Variants in ZNF536 observed in about 807,000 individuals in gnomAD.
The protein encoded by ZNF536 is zinc finger protein 536.
Under a neutral mutation model 84.5 loss-of-function variants are expected in ZNF536, and 13 were observed. The observed-to-expected ratio is 0.15, with a 90% CI of 0.10 to 0.24. The LOEUF (loss-of-function observed/expected upper bound fraction) is 0.24, where lower values mean the gene tolerates loss of function less well. ZNF536 is among the 10% of genes least tolerant of loss of function. The pLI, the probability that ZNF536 is intolerant of heterozygous loss-of-function variation, is 1.00. For synonymous variants in ZNF536, 811 were observed against 742.5 expected (o/e 1.09, Z -1.50); for missense variants, 1,536 against 1,747.5 (o/e 0.88, Z 2.16).
chr19:30,689,442 A>G (rs932329407), intron 1 of ZNF536, among the ~76,000 whole-genome samples: 12 of 152,232 alleles, frequency 7.9e-5, no homozygotes, highest in Admixed American at 1.3e-4. Context: ...CTTTCAGGAA[A>G]TGCTCATTGC....
intron 1 of ZNF536, among the ~76,000 whole-genome samples, chr19:30,437,754 A>C (rs1432150530): frequency 1.3e-5 from 2 of 152,220 alleles, no homozygotes; most frequent in Admixed American, 6.5e-5. Flanking sequence ...CTGCAAACTC[A>C]AGAGTTTACA....
At chr19:30,644,040 A>T (rs1329165722) in intron 1 of ZNF536, among the ~76,000 whole-genome samples, 5 of 152,182 alleles carry the variant, frequency 3.3e-5, no homozygotes, top group Non-Finnish European at 7.4e-5. Context: ...CCAAGGTGAA[A>T]GCTTCAGAGA....
intron 1 of ZNF536, among the ~76,000 whole-genome samples, chr19:30,670,710 C>T (rs2050515635): frequency 6.6e-6 from 1 of 152,218 alleles, no homozygotes; most frequent in Admixed American, 6.5e-5. Context: ...TCCCCAGAGA[C>T]GCCTTTCCGG....
intron 2 of ZNF536, among the ~76,000 whole-genome samples, chr19:30,310,678 A>C (rs1403536213): frequency 6.6e-6 from 1 of 152,200 alleles, no homozygotes; most frequent in African/African-American, 2.4e-5. Context: ...GCTCTGGTAG[A>C]ATCTCCATCA....
intron 1 of ZNF536, among the ~76,000 whole-genome samples, chr19:30,435,431 T>C (rs1471600043): frequency 6.6e-6 from 1 of 151,802 alleles, no homozygotes; most frequent in Non-Finnish European, 1.5e-5. Context: ...GTGATGCTGG[T>C]GATGATGTTG....
intron 1 of ZNF536, among the ~76,000 whole-genome samples, chr19:30,232,326 G>A (rs763080857): frequency 6.6e-6 from 1 of 152,180 alleles, no homozygotes; most frequent in African/African-American, 2.4e-5. Flanking sequence ...CATGTGCAGG[G>A]TTGCTATATG....
chr19:30,625,750 C>T (rs2048651727), intron 1 of ZNF536, among the ~76,000 whole-genome samples: 1 of 152,196 alleles, frequency 6.6e-6, no homozygotes, highest in African/African-American at 2.4e-5. Context: ...CACCTGCTTC[C>T]ATGTTCTGGC....
At chr19:30,325,341 G>A (rs1322521817) in intron 2 of ZNF536, among the ~76,000 whole-genome samples, 4 of 152,210 alleles carry the variant, frequency 2.6e-5, no homozygotes, top group Non-Finnish European at 5.9e-5. Context: ...GTCGGATCTG[G>A]GAGGCAAGGC....
chr19:30,666,393 G>T lies in ZNF536; in HGVS notation c.170-44364G>T, dbSNP rs373225077. Among the ~76,000 whole-genome samples, 79 of 152,010 alleles carry T rather than the reference G, an allele frequency of 5.2e-4. 2 individuals carry two copies. In the South Asian group the frequency reaches 0.015, roughly 29 times the overall value. On this transcript the variant is annotated intron_variant, in intron 1 of 1. Coordinates refer to the ZNF536 transcript ENST00000592773. The stretch of plus-strand genomic sequence containing the variant: ...TCTTCTTTTCTCCCTCCCTTTCCCT[G>T]CCTCCTCCCTCCCTTCCACTCCCTC...
At chr19:30,488,872 A>G (rs1361989382) in intron 2 of ZNF536, among the ~76,000 whole-genome samples, 1 of 152,178 alleles carries the variant, frequency 6.6e-6, no homozygotes, top group Non-Finnish European at 1.5e-5. Flanking sequence ...CTTTTATAGT[A>G]TTCTTAAATT....
At chr19:30,336,658 G>A (rs965854065) in intron 2 of ZNF536, among the ~76,000 whole-genome samples, 1 of 152,106 alleles carries the variant, frequency 6.6e-6, no homozygotes, top group Non-Finnish European at 1.5e-5. Context: ...GACCAGAGAG[G>A]GAAGGTGTGT....
At chr19:30,527,927 A>G (rs1246243040) in intron 2 of ZNF536, among the ~76,000 whole-genome samples, 17 of 152,204 alleles carry the variant, frequency 1.1e-4, no homozygotes, top group Admixed American at 1.0e-3. Context: ...TTGTTGTGCC[A>G]CTGAACTGCT....
At chr19:30,658,126 G>A (rs1346229046) in intron 1 of ZNF536, among the ~76,000 whole-genome samples, 1 of 151,184 alleles carries the variant, frequency 6.6e-6, no homozygotes, top group Non-Finnish European at 1.5e-5. Context: ...AGGTTCAAGC[G>A]ATTCTCCTGC....
intron 1 of ZNF536, among the ~76,000 whole-genome samples, chr19:30,622,843 T>C (rs2043313): frequency 0.97 from 147,042 of 151,984 alleles, 71,226 homozygotes; most frequent in Non-Finnish European, 0.99. Flanking sequence ...GCCTGCGATG[T>C]TGGAACCCCA....
intron 2 of ZNF536, among the ~76,000 whole-genome samples, chr19:30,332,345 C>T (rs1024839028): frequency 6.6e-6 from 1 of 152,102 alleles, no homozygotes; most frequent in African/African-American, 2.4e-5. Context: ...CCCCAGTGGC[C>T]CCAGCCTTTG....
chr19:30,614,856 T>G (rs1325658970), intron 1 of ZNF536, among the ~76,000 whole-genome samples: 1 of 150,864 alleles, frequency 6.6e-6, no homozygotes, highest in Non-Finnish European at 1.5e-5. Context: ...ATGCTTAGAT[T>G]TATCAGTCAC....
At chr19:30,615,666 G>T (rs1208561775) in intron 1 of ZNF536, among the ~76,000 whole-genome samples, 1 of 151,850 alleles carries the variant, frequency 6.6e-6, no homozygotes, top group Non-Finnish European at 1.5e-5. Context: ...GAATTTTTCG[G>T]GGGTGGCAGG....
intron 1 of ZNF536, among the ~76,000 whole-genome samples, chr19:30,695,866 C>T (rs536581596): frequency 6.6e-6 from 1 of 152,234 alleles, no homozygotes; most frequent in Non-Finnish European, 1.5e-5. Flanking sequence ...AAATTCCGTG[C>T]ATCCTTACAG....
chr19:30,629,660 T>C (rs2048817619), intron 1 of ZNF536, among the ~76,000 whole-genome samples: 1 of 152,184 alleles, frequency 6.6e-6, no homozygotes. Context: ...CTGGCCGCAG[T>C]GAAAGGGTGC....
Sources: gnomAD v4.1 joint callset for allele counts (sites outside exome capture counted in the v4.1 genomes callset) on GRCh38, gnomAD v4.1.1 for gene constraint, MANE v1.5 for transcripts, NCBI Gene and HGNC (gene_info 2026-07-23, HGNC 2026-07-21) for gene names.